Variants in ARGFX observed in about 807,000 individuals in gnomAD.
ARGFX encodes arginine-fifty homeobox.
ARGFX carries 10 observed loss-of-function variants against 8.0 expected under a neutral mutation model. The ratio of observed to expected loss-of-function variants is 1.25; its 90% CI spans 0.77 to 2.12. The LOEUF (loss-of-function observed/expected upper bound fraction) is 2.12, where lower values mean the gene tolerates loss of function less well. Ranked by LOEUF, ARGFX falls within the 30% of genes most tolerant of loss-of-function variation. The pLI, the probability that ARGFX is intolerant of heterozygous loss-of-function variation, is 0.00. For missense variants in ARGFX, 282 were observed against 324.3 expected (o/e 0.87, Z 1.00); for synonymous variants, 116 against 117.8 (o/e 0.98, Z 0.10).
rs368823403 is a variant in ARGFX, at chr3:121,568,907, T to A, written c.-13+894T>A. On this transcript the variant is annotated intron_variant, in intron 1 of 4. Transcript: ENST00000334384. ...CATCTGTTGTTATTGCTGTTCCAATTTTTTGGTCTCAGAACCTCTTTATAT... is the reference window on the plus strand; with the variant it reads ...CATCTGTTGTTATTGCTGTTCCAATATTTTGGTCTCAGAACCTCTTTATAT... Among the ~76,000 whole-genome samples the A allele has an allele frequency of 2.6e-4, 39 of 152,336 alleles. 1 individual carries two copies. In the South Asian group the frequency reaches 3.5e-3, roughly 14 times the overall value.
intron 2 of ARGFX, among the ~76,000 whole-genome samples, chr3:121,571,790 G>T (rs1297619630): frequency 1.4e-5 from 2 of 141,578 alleles, no homozygotes; most frequent in African/African-American, 5.3e-5. Context: ...CACCATATTG[G>T]CCAGGCTGGT....
Position 121,585,025 on chromosome 3 carries a change from A to C in ARGFX, c.329A>C (p.Lys110Thr). The C allele has an allele frequency of 6.2e-7, 1 of 1,614,016 alleles. No homozygotes were observed. The change falls in exon 4 of 5, where the codon AAA becomes ACA. Residue 110 changes from lysine to threonine, a missense_variant. Coordinates refer to ENST00000334384, the MANE Select transcript of ARGFX (RefSeq NM_001012659.2). The stretch of plus-strand genomic sequence containing the variant: ...TTCCCAGATAGAAATCTTCAGGAGA[A>C]ACTAGCTTTGAGACTCGACCTACCG... ...TMFPDRNLQE[K>T]LALRLDLPES... is the part of the protein sequence containing the mutation.
At chr3:121,579,912 C>A (rs371605717) in intron 3 of ARGFX, among the ~76,000 whole-genome samples, 1 of 121,730 alleles carries the variant, frequency 8.2e-6, no homozygotes. Flanking sequence ...TTTATATTTT[C>A]TTTCTTTCTT....
intron 2 of ARGFX, 77 bp from the exon 3 acceptor site, chr3:121,576,707 T>TTTCTTTCTTTCTTTCTTTCTTTTTTC (rs1553834276): frequency 1.4e-4 from 35 of 249,036 alleles, no homozygotes; most frequent in Non-Finnish European, 2.1e-4. Flanking sequence ...CTTTCTTTCT[T>TTTCTTTCTTTCTTTCTTTCTTTTTTC]TTTCTTTCTT....
At chr3:121,568,558 T>C (rs115877572) in intron 1 of ARGFX, among the ~76,000 whole-genome samples, 1 of 152,308 alleles carries the variant, frequency 6.6e-6, no homozygotes, top group Non-Finnish European at 1.5e-5. Flanking sequence ...TCAATGCCCA[T>C]CCCAGGAAAG....
Position 121,579,945 on chromosome 3 carries a change from C to CTTTTTTTTTTTTTTTTTTTTTTTTT in ARGFX, c.220+3047_220+3071dup, listed in dbSNP as rs1174620508. Among the ~76,000 whole-genome samples, 20 of 91,582 alleles carry CTTTTTTTTTTTTTTTTTTTTTTTTT rather than the reference C, an allele frequency of 2.2e-4. 1 individual carries two copies. The highest frequency in any genetic ancestry group is 3.9e-4 in the African/African-American group (8 of 20,412). The allele number at this position is 91,582 out of a possible 152,430, so 60.1% of individuals were successfully genotyped here. A position where few individuals can be genotyped will look rare whatever the true frequency, so the allele number is the denominator to read the frequency against. Reference sequence around the variant, plus strand: ...CTTTCTTTTTCTTTTCTTTTCTTTTCTTTTTTTTTTTTTTTTTTTTTTTTT... The same window carrying CTTTTTTTTTTTTTTTTTTTTTTTTT: ...CTTTCTTTTTCTTTTCTTTTCTTTTCTTTTTTTTTTTTTTTTTTTTTTTTTTTTTTTTTTTTTTTTTTTTTTTTTT... On this transcript the variant is annotated intron_variant, in intron 3 of 4. Transcript: ENST00000334384.
At chr3:121,585,146 C>T (rs899700029) in intron 4 of ARGFX, 81 bp downstream of exon 4, 1 of 1,447,154 alleles carries the variant, frequency 6.9e-7, no homozygotes, top group Non-Finnish European at 9.4e-7. Flanking sequence ...CACCCTCTAC[C>T]CCTGCCCCAC....
At chr3:121,583,310 G>T (rs1171024315) in intron 3 of ARGFX, among the ~76,000 whole-genome samples, 1 of 152,034 alleles carries the variant, frequency 6.6e-6, no homozygotes, top group Admixed American at 6.6e-5. Flanking sequence ...GATTACAGGT[G>T]TGAGTCACCA....
rs577685909 is a variant in ARGFX at position 121,580,328 on chromosome 3, A to G, written c.220+3428A>G. The stretch of plus-strand genomic sequence containing the variant: ...CAGCTAATTTTTGTATTTTTAGTAG[A>G]GATGGAGTTTCACCATGTTGGTCAG... On this transcript the variant is annotated intron_variant, in intron 3 of 4. Transcript: ENST00000334384. Among the ~76,000 whole-genome samples the G allele has an allele frequency of 3.3e-3, 496 of 151,870 alleles. 2 individuals carry two copies. Among genetic ancestry groups the G allele is most frequent in the Non-Finnish European group, 5.5e-3 (375 of 67,974 alleles).
At chr3:121,571,169 CA>C (rs2048705871) in intron 2 of ARGFX, among the ~76,000 whole-genome samples, 1 of 152,030 alleles carries the variant, frequency 6.6e-6, no homozygotes, top group African/African-American at 2.4e-5. Context: ...AACAAACAAA[CA>C]AAAGCTCATT....
intron 2 of ARGFX, among the ~76,000 whole-genome samples, chr3:121,571,354 G>T (rs1194012966): frequency 6.6e-6 from 1 of 151,766 alleles, no homozygotes; most frequent in African/African-American, 2.4e-5. Context: ...TAAAAATCTG[G>T]TTTTTCTATA....
chr3:121,579,945 C>CTTTTTTTTTTTTTTTTTTTTTTTT lies in ARGFX; in HGVS notation c.220+3048_220+3071dup, dbSNP rs1174620508. Among the ~76,000 whole-genome samples, 15 of 91,578 alleles carry CTTTTTTTTTTTTTTTTTTTTTTTT rather than the reference C, an allele frequency of 1.6e-4. 2 individuals are homozygous for CTTTTTTTTTTTTTTTTTTTTTTTT. Among genetic ancestry groups the CTTTTTTTTTTTTTTTTTTTTTTTT allele is most frequent in the African/African-American group, 3.4e-4 (7 of 20,440 alleles). 60.1% of individuals were successfully genotyped at this position (91,578 alleles called of 152,430 possible). ...CTTTCTTTTTCTTTTCTTTTCTTTTCTTTTTTTTTTTTTTTTTTTTTTTTT... is the reference window on the plus strand; with the variant it reads ...CTTTCTTTTTCTTTTCTTTTCTTTTCTTTTTTTTTTTTTTTTTTTTTTTTTTTTTTTTTTTTTTTTTTTTTTTTT... On this transcript the variant is annotated intron_variant, in intron 3 of 4. Coordinates refer to ENST00000334384, the MANE Select transcript of ARGFX (RefSeq NM_001012659.2).
chr3:121,589,989 T>C lies in ARGFX; in HGVS notation c.*3389T>C, dbSNP rs2048835815. Reference sequence around the variant, plus strand: ...GAAAAAAAATTATGAAATCAAAAGCTGGTTCTTTGAAAAGATCTACAAAAT... The same window carrying C: ...GAAAAAAAATTATGAAATCAAAAGCCGGTTCTTTGAAAAGATCTACAAAAT... On this transcript the variant is annotated 3_prime_UTR_variant, in exon 5 of 5. Transcript: ENST00000334384. 6.6e-6 allele frequency among the ~76,000 whole-genome samples: 1 copy of C among 152,036 alleles called. No homozygotes were observed. The highest frequency in any genetic ancestry group is 2.1e-4 in the South Asian group (1 of 4,824).
rs71133554 is a variant in ARGFX at position 121,577,226 on chromosome 3, CATATATATATATATATATATAT to C, written c.220+339_220+360del. 5.7e-5 allele frequency among the ~76,000 whole-genome samples: 5 copies of C among 87,142 alleles called. No individual in the cohort carries two copies. The South Asian group carries it at 1.5e-3, about 25-fold the overall frequency. 57.2% of individuals were successfully genotyped at this position (87,142 alleles called of 152,430 possible). On this transcript the variant is annotated intron_variant, in intron 3 of 4. Transcript: ENST00000334384. ...GTATATATATATATATCTACATGTA[CATATATATATATATATATATAT>C]ATATATATATATTTTTTTTTTTTTA...
At chr3:121,584,204 G>GAGGAAGGAAGGAAGGAAGGAAGGAAGGA (rs749567796) in intron 3 of ARGFX, among the ~76,000 whole-genome samples, 1 of 104,264 alleles carries the variant, frequency 9.6e-6, no homozygotes, top group Admixed American at 1.1e-4. Flanking sequence ...GACAGAGAGA[G>GAGGAAGGAAGGAAGGAAGGAAGGAAGGA]AGGAAGGAAG....
chr3:121,585,899 C>A (rs2048809631), intron 4 of ARGFX, 123 bp from the exon 5 acceptor site: 21 of 922,402 alleles, frequency 2.3e-5, no homozygotes, highest in Non-Finnish European at 2.9e-5. Flanking sequence ...TTTTGCAGAG[C>A]CCAGTGTCAT....
intron 2 of ARGFX, among the ~76,000 whole-genome samples, chr3:121,572,402 C>T (rs760686792): frequency 1.1e-4 from 17 of 151,718 alleles, no homozygotes; most frequent in Admixed American, 4.0e-4. Context: ...CTACCACACC[C>T]GGCTAATTTT....
In ARGFX at chr3:121,586,323, C is replaced by A. The variant is rs1274196016; in HGVS notation, c.671C>A (p.Ala224Asp). The part of the protein sequence containing the change: ...VASVPALYSD[A>D]YDIFQIIELY... The stretch of plus-strand genomic sequence containing the variant: ...TCGGTTCCTGCTTTGTACTCTGATG[C>A]CTATGACATATTCCAAATCATAGAA... Residue 224 changes from alanine (A) to aspartate (D), a missense_variant, in exon 5 of 5, where the codon GCC becomes GAC. Physicochemically the swap from Ala to Asp is moderately radical, Grantham distance 126. Coordinates refer to ENST00000334384, the MANE Select transcript of ARGFX (RefSeq NM_001012659.2). 1.2e-6 allele frequency: 2 copies of A among 1,614,186 alleles called. No individual in the cohort carries two copies. The highest frequency in any genetic ancestry group is 2.7e-5 in the African/African-American group (2 of 75,048).
Position 121,590,224 on chromosome 3 carries a change from G to T in ARGFX, c.*3624G>T, listed in dbSNP as rs887569683. 2.0e-5 allele frequency among the ~76,000 whole-genome samples: 3 copies of T among 152,208 alleles called. No individual in the cohort carries two copies. Among genetic ancestry groups the T allele is most frequent in the Non-Finnish European group, 1.5e-5 (1 of 68,036 alleles). On this transcript the variant is annotated 3_prime_UTR_variant, in exon 5 of 5. Coordinates refer to ENST00000334384, the MANE Select transcript of ARGFX (RefSeq NM_001012659.2). The stretch of plus-strand genomic sequence containing the variant: ...ACCAAATCTGACTCCACAAGAAATA[G>T]ATGTTGTGAATAGAGCTTGCTATGG...
Sources: allele counts gnomAD v4.1 joint callset (sites outside exome capture counted in the v4.1 genomes callset), GRCh38; gene constraint gnomAD v4.1.1; transcripts MANE v1.5; gene names NCBI Gene and HGNC (gene_info 2026-07-23, HGNC 2026-07-21).